Variants in RBL1 observed in about 807,000 individuals in gnomAD.
RBL1 encodes the protein RB transcriptional corepressor like 1.
RBL1 carries 82 observed loss-of-function variants against 123.0 expected under a neutral mutation model. That is an observed-to-expected ratio of 0.67 (90% CI 0.56 to 0.80). The LOEUF (loss-of-function observed/expected upper bound fraction) is 0.80. Among genes scored for constraint, RBL1 ranks in the 30% least tolerant of loss-of-function variants. RBL1 has a pLI of 0.00. For missense variants in RBL1, 1,171 were observed against 1,299.6 expected (o/e 0.90, Z 1.52); for synonymous variants, 405 against 441.3 (o/e 0.92, Z 1.03).
intron 12 of RBL1, 92 bp from the exon 13 acceptor site, chr20:37,044,342 T>C: frequency 7.7e-7 from 1 of 1,296,600 alleles, no homozygotes; most frequent in South Asian, 1.5e-5. Flanking sequence ...TTTCTTCTTC[T>C]TCTTCTTTTT....
chr20:37,014,232 C>T (rs1169413108), intron 19 of RBL1, among the ~76,000 whole-genome samples: 4 of 152,054 alleles, frequency 2.6e-5, no homozygotes, highest in East Asian at 3.9e-4. Context: ...AGCCCACCAC[C>T]ATGTGTGGCT....
intron 20 of RBL1, 116 bp downstream of exon 20, chr20:37,007,295 C>T: frequency 9.3e-7 from 1 of 1,073,708 alleles, no homozygotes; most frequent in Non-Finnish European, 1.4e-6. Context: ...AGTTACTGGA[C>T]ATGCTCTGAT....
intron 13 of RBL1, among the ~76,000 whole-genome samples, chr20:37,043,162 G>GCGCACACACACA (rs1555856574): frequency 6.8e-6 from 1 of 147,806 alleles, no homozygotes; most frequent in South Asian, 2.1e-4. Context: ...ATGCGCGCGT[G>GCGCACACACACA]CACACACACA....
At chr20:37,044,054 A>AT in intron 13 of RBL1, 32 bp downstream of exon 13, 1 of 1,266,660 alleles carries the variant, frequency 7.9e-7, no homozygotes, top group Non-Finnish European at 1.0e-6. Context: ...TTTTTTTTTA[A>AT]TGATACGATT....
intron 9 of RBL1, among the ~76,000 whole-genome samples, chr20:37,059,724 C>T (rs1207920257): frequency 6.6e-6 from 1 of 152,050 alleles, no homozygotes; most frequent in Admixed American, 6.6e-5. Flanking sequence ...TATCTCTCTC[C>T]TCATTTGGTT....
chr20:37,063,854 A>C, intron 7 of RBL1, among the ~76,000 whole-genome samples: 1 of 137,488 alleles, frequency 7.3e-6, no homozygotes. Context: ...ATAGGGTCTC[A>C]CTCCGTCAAG....
intron 6 of RBL1, 75 bp from the exon 7 acceptor site, chr20:37,065,548 A>C: frequency 2.1e-6 from 2 of 947,370 alleles, no homozygotes; most frequent in Non-Finnish European, 3.3e-6. Context: ...AAATTTATCT[A>C]AATTTCCATA....
rs899303703 is a variant in RBL1, at chr20:37,008,089, C to T, written c.2723-530G>A. Among the ~76,000 whole-genome samples, 12 of 152,292 alleles carry T rather than the reference C, an allele frequency of 7.9e-5. 1 individual carries two copies. The East Asian group carries it at 2.3e-3, about 29-fold the overall frequency. Reference sequence around the variant, plus strand: ...AAGGTGGTGCTCTTTTCTCTAGATTCCACTTCAGAATGTTTTCACAACCAT... The same window carrying T: ...AAGGTGGTGCTCTTTTCTCTAGATTTCACTTCAGAATGTTTTCACAACCAT... On this transcript the variant is annotated intron_variant, in intron 19 of 21. Coordinates refer to ENST00000373664, the MANE Select transcript of RBL1 (RefSeq NM_002895.5).
intron 21 of RBL1, among the ~76,000 whole-genome samples, chr20:37,000,853 A>G (rs1197443786): frequency 2.4e-5 from 3 of 126,986 alleles, no homozygotes; most frequent in East Asian, 5.3e-4. Context: ...CTGGGACGTG[A>G]GGAGCCCCTC....
At chr20:37,023,915 C>A (rs1166213964) in intron 16 of RBL1, among the ~76,000 whole-genome samples, 2 of 150,908 alleles carry the variant, frequency 1.3e-5, no homozygotes, top group African/African-American at 2.4e-5. Context: ...GTAGCTGGGA[C>A]TACAGGCAAG....
chr20:37,073,849 T>C (rs371057513), intron 2 of RBL1, among the ~76,000 whole-genome samples: 2 of 151,476 alleles, frequency 1.3e-5, no homozygotes, highest in South Asian at 2.1e-4. Flanking sequence ...TGTGATCTCA[T>C]CTTATAAAAA....
chr20:37,062,743 CAGG>C (rs2065116319), intron 7 of RBL1, among the ~76,000 whole-genome samples: 1 of 150,934 alleles, frequency 6.6e-6, no homozygotes, highest in Non-Finnish European at 1.5e-5. Flanking sequence ...ATCACGAGGT[CAGG>C]AGATCAAGAC....
At chr20:37,015,436 G>GT (rs918977257) in intron 19 of RBL1, among the ~76,000 whole-genome samples, 129 of 146,906 alleles carry the variant, frequency 8.8e-4, no homozygotes, top group East Asian at 3.0e-3. Flanking sequence ...TTTTGTTGTT[G>GT]TTTTTTTTTT....
At chr20:37,042,552 T>C (rs1364636671) in intron 13 of RBL1, among the ~76,000 whole-genome samples, 1 of 152,048 alleles carries the variant, frequency 6.6e-6, no homozygotes, top group Non-Finnish European at 1.5e-5. Flanking sequence ...TGAAAACATA[T>C]GTACATATGT....
At chr20:37,000,656 G>A (rs971762855) in intron 21 of RBL1, among the ~76,000 whole-genome samples, 5 of 121,534 alleles carry the variant, frequency 4.1e-5, no homozygotes, top group African/African-American at 6.7e-5. Flanking sequence ...GCCTCTGCCC[G>A]GCCGCCCCTA....
In RBL1 at chr20:37,057,004, T is replaced by TCTACCTACCTACCTAC. The variant is rs58869678; in HGVS notation, c.1251-762_1251-747dup. ...ATCTCTATTTCTTTCTATCTATCTA[T>TCTACCTACCTACCTAC]CTACCTACCTACCTACCTACCTACC... On this transcript the variant is annotated intron_variant, in intron 9 of 21. Transcript: ENST00000373664. Among the ~76,000 whole-genome samples the TCTACCTACCTACCTAC allele has an allele frequency of 3.5e-3, 513 of 147,616 alleles. 4 individuals are homozygous for TCTACCTACCTACCTAC. Among genetic ancestry groups the TCTACCTACCTACCTAC allele is most frequent in the East Asian group, 6.0e-3 (29 of 4,862 alleles).
At chr20:37,009,651 C>T (rs765694664) in intron 19 of RBL1, among the ~76,000 whole-genome samples, 5 of 152,022 alleles carry the variant, frequency 3.3e-5, no homozygotes, top group East Asian at 1.9e-4. Flanking sequence ...TGAGCGAACA[C>T]GCCTGGTCTA....
chr20:37,021,831 A>G, intron 17 of RBL1: 1 of 194,024 alleles, frequency 5.2e-6, no homozygotes, highest in Admixed American at 4.6e-5. Context: ...TATCAGATGC[A>G]ATTTGGTTCC....
intron 2 of RBL1, among the ~76,000 whole-genome samples, chr20:37,068,909 G>T (rs531748637): frequency 6.6e-6 from 1 of 152,156 alleles, no homozygotes; most frequent in Non-Finnish European, 1.5e-5. Context: ...GCCGAAGCTG[G>T]ACTGTACTGC....
Sources: gnomAD v4.1 joint callset for allele counts (sites outside exome capture counted in the v4.1 genomes callset) on GRCh38, gnomAD v4.1.1 for gene constraint, MANE v1.5 for transcripts, NCBI Gene and HGNC (gene_info 2026-07-23, HGNC 2026-07-21) for gene names.